Variants in SUMF1 observed in about 807,000 individuals in gnomAD.
SUMF1 encodes the protein sulfatase modifying factor 1.
SUMF1 carries 48 observed loss-of-function variants against 47.6 expected under a neutral mutation model. The observed-to-expected ratio is 1.01, with a 90% CI of 0.80 to 1.28. The LOEUF (loss-of-function observed/expected upper bound fraction) is 1.28, where lower values mean the gene tolerates loss of function less well. Ranked by LOEUF, SUMF1 falls within the 50% of genes most tolerant of loss-of-function variation. The pLI, the probability that SUMF1 is intolerant of heterozygous loss-of-function variation, is 0.00. For synonymous variants in SUMF1, 230 were observed against 192.1 expected (o/e 1.20, Z -1.63); for missense variants, 571 against 485.4 (o/e 1.18, Z -1.66).
intron 8 of SUMF1, among the ~76,000 whole-genome samples, chr3:4,286,287 T>G (rs1043741606): frequency 6.6e-6 from 1 of 152,080 alleles, no homozygotes; most frequent in East Asian, 1.9e-4. Context: ...AAGTTTCTTA[T>G]TGTTCCTTTT....
rs576303535 is a variant in SUMF1 at position 4,204,796 on chromosome 3, A to G, written c.1015-136051T>C. ...ACTGATGTATTTTTTCAGTTTGTCA[A>G]TTGACTTTTTCAGCTCCAGGATCTC... On this transcript the variant is annotated intron_variant and NMD_transcript_variant, in intron 8 of 12. Coordinates refer to the SUMF1 transcript ENST00000448413. Among the ~76,000 whole-genome samples the G allele has an allele frequency of 2.6e-5, 4 of 150,964 alleles. No homozygotes were observed. In the South Asian group the frequency reaches 8.5e-4, roughly 32 times the overall value.
In SUMF1 at chr3:4,132,505, G is replaced by C. The variant is rs144659825; in HGVS notation, c.1015-63760C>G. ...TATGGTACTGTTTCTCCCATAGCCA[G>C]GATTCATCGGTCCAGGTATCAAGGG... On this transcript the variant is annotated intron_variant and NMD_transcript_variant, in intron 8 of 12. Transcript: ENST00000448413. Among the ~76,000 whole-genome samples, 1,406 of 152,198 alleles carry C rather than the reference G, an allele frequency of 9.2e-3. 19 individuals carry two copies. The highest frequency in any genetic ancestry group is 0.017 in the Admixed American group (261 of 15,284).
chr3:4,413,389 G>C (rs1701607615), intron 6 of SUMF1, among the ~76,000 whole-genome samples: 1 of 152,000 alleles, frequency 6.6e-6, no homozygotes, highest in Non-Finnish European at 1.5e-5. Flanking sequence ...AAAAATAATA[G>C]TACCTACTCA....
chr3:4,418,319 C>A (rs1393335533), intron 4 of SUMF1, among the ~76,000 whole-genome samples, 187 bp from the exon 5 acceptor site: 1 of 152,246 alleles, frequency 6.6e-6, no homozygotes, highest in Non-Finnish European at 1.5e-5. Flanking sequence ...ACAACCCAGG[C>A]TCCCAAATGG....
chr3:4,162,086 G>A (rs1037430720), intron 8 of SUMF1, among the ~76,000 whole-genome samples: 8 of 152,100 alleles, frequency 5.3e-5, no homozygotes, highest in African/African-American at 1.9e-4. Context: ...GGTGCAGGGT[G>A]TACCTAGCAA....
At chr3:4,448,691 G>C (rs1312220588) in intron 3 of SUMF1, among the ~76,000 whole-genome samples, 2 of 152,160 alleles carry the variant, frequency 1.3e-5, no homozygotes, top group African/African-American at 4.8e-5. Context: ...TCCACCGTTT[G>C]TTTCCATGTC....
intron 8 of SUMF1, among the ~76,000 whole-genome samples, chr3:4,126,909 C>G (rs1273826761): frequency 6.6e-6 from 1 of 152,092 alleles, no homozygotes; most frequent in African/African-American, 2.4e-5. Context: ...ATATTCTTCC[C>G]TGAGGTAAGT....
intron 8 of SUMF1, among the ~76,000 whole-genome samples, chr3:4,211,706 T>C (rs530071715): frequency 6.6e-6 from 1 of 152,106 alleles, no homozygotes; most frequent in Non-Finnish European, 1.5e-5. Flanking sequence ...AAAACCACAA[T>C]TAAATATCAC....
At chr3:4,286,004 C>T (rs1200034248) in intron 8 of SUMF1, among the ~76,000 whole-genome samples, 1 of 152,054 alleles carries the variant, frequency 6.6e-6, no homozygotes, top group Non-Finnish European at 1.5e-5. Context: ...CAGAAATATC[C>T]ACCTGTTTGG....
chr3:4,086,858 G>T (rs1293880810), intron 8 of SUMF1, among the ~76,000 whole-genome samples: 1 of 152,012 alleles, frequency 6.6e-6, no homozygotes, highest in Non-Finnish European at 1.5e-5. Context: ...TGTCATTTCT[G>T]TCTTGTCTGC....
chr3:4,173,675 T>C (rs565990282), intron 8 of SUMF1, among the ~76,000 whole-genome samples: 4 of 152,152 alleles, frequency 2.6e-5, no homozygotes, highest in East Asian at 3.9e-4. Flanking sequence ...GTGGCACATA[T>C]ACACCATAGA....
intron 8 of SUMF1, among the ~76,000 whole-genome samples, chr3:4,222,168 G>A (rs2125175464): frequency 6.6e-6 from 1 of 152,066 alleles, no homozygotes; most frequent in South Asian, 2.1e-4. Flanking sequence ...TATCTTTGGT[G>A]GGATAATACT....
intron 9 of SUMF1, among the ~76,000 whole-genome samples, chr3:4,061,644 C>T (rs77439809): frequency 0.01 from 1,528 of 152,184 alleles, 15 homozygotes; most frequent in Non-Finnish European, 0.016. Flanking sequence ...CTAGACCAAA[C>T]TGCTGGCATT....
intron 8 of SUMF1, among the ~76,000 whole-genome samples, chr3:4,283,274 T>C (rs1697564879): frequency 6.6e-6 from 1 of 152,248 alleles, no homozygotes; most frequent in Non-Finnish European, 1.5e-5. Flanking sequence ...AAATGCCCAT[T>C]TGTATTAAAA....
chr3:4,345,614 A>T (rs924153916), intron 8 of SUMF1, among the ~76,000 whole-genome samples: 1 of 152,210 alleles, frequency 6.6e-6, no homozygotes, highest in Non-Finnish European at 1.5e-5. Context: ...CACTACGAAG[A>T]AACTGCATCA....
At chr3:4,150,756 G>A (rs1244356462) in intron 8 of SUMF1, among the ~76,000 whole-genome samples, 1 of 151,490 alleles carries the variant, frequency 6.6e-6, no homozygotes, top group Non-Finnish European at 1.5e-5. Flanking sequence ...GGAAGTTTGG[G>A]CATGCTTTTG....
chr3:4,415,111 T>C (rs1215065807), intron 6 of SUMF1, among the ~76,000 whole-genome samples: 1 of 150,814 alleles, frequency 6.6e-6, no homozygotes, highest in Admixed American at 6.7e-5. Flanking sequence ...GCTATAATCC[T>C]AGCTACTAAG....
intron 8 of SUMF1, among the ~76,000 whole-genome samples, chr3:4,201,162 C>A (rs1695532887): frequency 2.0e-5 from 3 of 151,998 alleles, no homozygotes; most frequent in South Asian, 2.1e-4. Context: ...TACTCCCTCA[C>A]TTATTCTAAA....
At chr3:4,306,614 A>T (rs1698201115) in intron 8 of SUMF1, among the ~76,000 whole-genome samples, 1 of 152,244 alleles carries the variant, frequency 6.6e-6, no homozygotes, top group Admixed American at 6.5e-5. Context: ...AGAAGATCAA[A>T]CATGCTTGAA....
Sources: gnomAD v4.1 joint callset for allele counts (sites outside exome capture counted in the v4.1 genomes callset) on GRCh38, gnomAD v4.1.1 for gene constraint, MANE v1.5 for transcripts, NCBI Gene and HGNC (gene_info 2026-07-23, HGNC 2026-07-21) for gene names.